DIAPH2: variants seen among roughly 807,000 people sequenced by gnomAD.
DIAPH2 encodes protein diaphanous homolog 2.
A neutral mutation model predicts 92.7 loss-of-function variants in DIAPH2; 35 were observed. The ratio of observed to expected loss-of-function variants is 0.38; its 90% confidence interval spans 0.29 to 0.50. DIAPH2 has a LOEUF of 0.50. DIAPH2 is among the 20% of genes least tolerant of loss of function. The pLI, the probability that DIAPH2 is intolerant of heterozygous loss-of-function variation, is 0.94. For synonymous variants in DIAPH2, 301 were observed against 280.4 expected (o/e 1.07, Z -0.73); for missense variants, 701 against 819.5 (o/e 0.86, Z 1.77).
chrX:96,830,570 CAAAAAAA>C (rs776270215), intron 4 of DIAPH2, among the ~76,000 whole-genome samples: 1 of 13,441 alleles, frequency 7.4e-5, no homozygotes, highest in Non-Finnish European at 1.1e-4. Flanking sequence ...GACTCAGTCT[CAAAAAAA>C]AAAAAAAAAA....
intron 23 of DIAPH2, among the ~76,000 whole-genome samples, chrX:97,252,787 A>G (rs1468479981): frequency 9.0e-6 from 1 of 111,145 alleles, no homozygotes; most frequent in Admixed American, 9.7e-5. Context: ...AGAAAAATTG[A>G]GAACTTCAGA....
chrX:96,787,056 A>G (rs1326512364), intron 4 of DIAPH2, among the ~76,000 whole-genome samples: 1 of 111,731 alleles, frequency 9.0e-6, no homozygotes, highest in Non-Finnish European at 1.9e-5. Flanking sequence ...TTTTTCCGTG[A>G]TTACCACAAT....
intron 22 of DIAPH2, among the ~76,000 whole-genome samples, chrX:97,211,329 T>TACTCACCTTGTGGAATAGGTTGTGTC (rs2067838063): frequency 9.0e-6 from 1 of 110,858 alleles, no homozygotes; most frequent in Admixed American, 9.6e-5. Context: ...ATAGTTGTGT[T>TACTCACCTTGTGGAATAGGTTGTGTC]ACTCACCTTG....
intron 17 of DIAPH2, among the ~76,000 whole-genome samples, chrX:97,023,545 TG>T (rs1446572784): frequency 8.9e-6 from 1 of 111,755 alleles, no homozygotes. Flanking sequence ...AGCTAGTAAG[TG>T]GGAGAGCTAG....
chrX:97,272,045 C>T (rs1374104458), intron 23 of DIAPH2, among the ~76,000 whole-genome samples: 1 of 110,194 alleles, frequency 9.1e-6, no homozygotes, highest in African/African-American at 3.3e-5. Flanking sequence ...GTTGCCCAGG[C>T]TGGAGTGCAA....
intron 4 of DIAPH2, among the ~76,000 whole-genome samples, chrX:96,814,946 C>A (rs926079174): frequency 9.0e-6 from 1 of 111,541 alleles, no homozygotes; most frequent in African/African-American, 3.3e-5. Context: ...TGTCAGTTGG[C>A]CCCTACTCGG....
intron 25 of DIAPH2, among the ~76,000 whole-genome samples, chrX:97,390,694 G>A (rs751559506): frequency 2.7e-5 from 3 of 110,918 alleles, no homozygotes; most frequent in East Asian, 5.7e-4. Context: ...CACCACGCCC[G>A]GCCTTGGCCT....
At chrX:96,869,423 G>A (rs185929854) in intron 4 of DIAPH2, among the ~76,000 whole-genome samples, 22 of 110,489 alleles carry the variant, frequency 2.0e-4, no homozygotes, top group Admixed American at 1.7e-3. Flanking sequence ...TTAGCTGGGC[G>A]TGGTGGCGCA....
intron 22 of DIAPH2, among the ~76,000 whole-genome samples, chrX:97,148,417 C>T (rs764605138): frequency 8.9e-6 from 1 of 112,189 alleles, no homozygotes; most frequent in South Asian, 3.8e-4. Context: ...CCATTCCTTT[C>T]TCTGTGTCAC....
rs185679566 is a variant in DIAPH2 at position 96,842,721 on chromosome X, A to G, written c.448-38858A>G. ...CTTTCACCTAGTAAATGGCAGAACT[A>G]TGATCTGAATCCAGGTATGACTGAA... is the stretch of plus-strand genomic sequence containing the variant. On this transcript the variant is annotated intron_variant, in intron 4 of 26. Coordinates refer to ENST00000324765, the MANE Select transcript of DIAPH2 (RefSeq NM_006729.5). Among the ~76,000 whole-genome samples, 512 of 112,077 alleles carry G rather than the reference A, an allele frequency of 4.6e-3. 2 individuals carry two copies. Among genetic ancestry groups the G allele is most frequent in the Non-Finnish European group, 7.4e-3 (393 of 53,200 alleles).
At chrX:97,441,123 G>A (rs1440372738) in intron 26 of DIAPH2, among the ~76,000 whole-genome samples, 1 of 111,875 alleles carries the variant, frequency 8.9e-6, no homozygotes, top group Admixed American at 9.5e-5. Context: ...GATAAGAAAG[G>A]GGTAGAAGTA....
chrX:97,103,009 C>T (rs1343349540), intron 20 of DIAPH2, among the ~76,000 whole-genome samples: 1 of 111,720 alleles, frequency 9.0e-6, no homozygotes, highest in African/African-American at 3.3e-5. Flanking sequence ...TACATAGTAA[C>T]TAGTAGTCAC....
intron 26 of DIAPH2, among the ~76,000 whole-genome samples, chrX:97,471,655 A>G (rs2070563582): frequency 1.1e-5 from 1 of 91,199 alleles, no homozygotes; most frequent in South Asian, 6.0e-4. Context: ...GCGCCATTGC[A>G]CTCCAGACTG....
intron 26 of DIAPH2, among the ~76,000 whole-genome samples, chrX:97,508,484 G>A (rs1048079154): frequency 1.8e-5 from 2 of 112,366 alleles, no homozygotes; most frequent in Non-Finnish European, 1.9e-5. Flanking sequence ...ATCTAGTATA[G>A]AGAATGGATA....
At chrX:96,918,480 C>T in intron 8 of DIAPH2, 29 bp from the exon 9 acceptor site, 1 of 1,006,809 alleles carries the variant, frequency 9.9e-7, no homozygotes, top group Non-Finnish European at 1.4e-6. Context: ...AAGTATTTCT[C>T]ATTTCTGTTT....
At chrX:97,573,663 T>C (rs1016480882) in intron 26 of DIAPH2, among the ~76,000 whole-genome samples, 1 of 108,197 alleles carries the variant, frequency 9.2e-6, no homozygotes, top group South Asian at 4.1e-4. Context: ...TTTGTTTTTT[T>C]TTTTGTTTTT....
At chrX:97,520,673 T>A (rs1175731263) in intron 26 of DIAPH2, among the ~76,000 whole-genome samples, 1 of 112,281 alleles carries the variant, frequency 8.9e-6, no homozygotes, top group Non-Finnish European at 1.9e-5. Context: ...GGGAAACTTT[T>A]ACACAATTAT....
chrX:97,227,873 G>T (rs941674379), intron 22 of DIAPH2, among the ~76,000 whole-genome samples: 1 of 111,462 alleles, frequency 9.0e-6, no homozygotes, highest in Non-Finnish European at 1.9e-5. Flanking sequence ...CAAGTTATTT[G>T]TAGGCAAATG....
chrX:96,980,429 C>T (rs1002084678), intron 17 of DIAPH2, among the ~76,000 whole-genome samples: 1 of 110,915 alleles, frequency 9.0e-6, no homozygotes, highest in African/African-American at 3.3e-5. Flanking sequence ...TCTCATCTCC[C>T]TTTCTCTGCT....
Sources: gnomAD v4.1 joint callset for allele counts (sites outside exome capture counted in the v4.1 genomes callset) on GRCh38, gnomAD v4.1.1 for gene constraint, MANE v1.5 for transcripts, NCBI Gene and HGNC (gene_info 2026-07-23, HGNC 2026-07-21) for gene names.